Variants in CTNNA3 observed in about 807,000 individuals in gnomAD.
CTNNA3 encodes catenin alpha-3.
In CTNNA3, 76 loss-of-function variants were observed where a neutral mutation model predicts 95.7. That is an observed-to-expected ratio of 0.79 (90% CI 0.66 to 0.96). CTNNA3 has a LOEUF of 0.96. Among genes scored for constraint, CTNNA3 ranks in the 40% least tolerant of loss-of-function variants. The probability of loss-of-function intolerance (pLI) is 0.00; values close to 1 mark genes in which losing one functional copy is unlikely to be tolerated. For missense variants in CTNNA3, 1,191 were observed against 1,089.8 expected, an observed-to-expected ratio of 1.09 and a Z score of -1.31; for synonymous variants, 431 against 374.4, an observed-to-expected ratio of 1.15 and a Z score of -1.74.
At chr10:66,418,792 A>T (rs909775178) in intron 11 of CTNNA3, among the ~76,000 whole-genome samples, 1 of 150,088 alleles carries the variant, frequency 6.7e-6, no homozygotes, top group Non-Finnish European at 1.5e-5. Context: ...CATCTTATAG[A>T]CAAAGAAAAA....
chr10:67,707,045 C>A (rs1028669239), intron 1 of CTNNA3, among the ~76,000 whole-genome samples: 2 of 152,110 alleles, frequency 1.3e-5, no homozygotes, highest in Non-Finnish European at 2.9e-5. Context: ...ATTCTTTTCC[C>A]TCATTACCAT....
At chr10:67,699,503 G>A (rs1231948950), upstream of CTNNA3, among the ~76,000 whole-genome samples, 1 of 152,160 alleles carries the variant, frequency 6.6e-6, no homozygotes, top group Non-Finnish European at 1.5e-5. Context: ...GACTTCTCCT[G>A]TTGCCAATAA....
chr10:66,922,721 A>G (rs1846854412), intron 7 of CTNNA3, among the ~76,000 whole-genome samples: 2 of 152,192 alleles, frequency 1.3e-5, no homozygotes, highest in Non-Finnish European at 2.9e-5. Flanking sequence ...TTCATTATGA[A>G]CATTTTTCCT....
chr10:67,439,680 C>T (rs918712886), intron 5 of CTNNA3, among the ~76,000 whole-genome samples: 2 of 152,160 alleles, frequency 1.3e-5, no homozygotes, highest in African/African-American at 4.8e-5. Context: ...ATCAGACCCC[C>T]ATTCCAGTCC....
At chr10:67,035,552 C>T (rs923110335) in intron 7 of CTNNA3, among the ~76,000 whole-genome samples, 1 of 151,936 alleles carries the variant, frequency 6.6e-6, no homozygotes, top group African/African-American at 2.4e-5. Context: ...AATTCTAACT[C>T]GGAGAACTTT....
intron 10 of CTNNA3, among the ~76,000 whole-genome samples, chr10:66,537,215 G>A (rs1185360639): frequency 6.6e-6 from 1 of 152,116 alleles, no homozygotes; most frequent in East Asian, 1.9e-4. Flanking sequence ...GTGGCAATCA[G>A]CTCCTGCACA....
chr10:66,454,871 A>T (rs935318670), intron 11 of CTNNA3, among the ~76,000 whole-genome samples: 1 of 151,754 alleles, frequency 6.6e-6, no homozygotes, highest in East Asian at 1.9e-4. Context: ...GAGAGGAGGA[A>T]GAGGATAAAA....
chr10:67,632,361 G>A (rs1342762258), intron 2 of CTNNA3, among the ~76,000 whole-genome samples: 2 of 151,654 alleles, frequency 1.3e-5, no homozygotes, highest in African/African-American at 4.9e-5. Flanking sequence ...AGATGGCGGC[G>A]GCTAGATTTG....
chr10:66,721,986 T>C (rs541055144), intron 9 of CTNNA3, among the ~76,000 whole-genome samples: 52 of 152,314 alleles, frequency 3.4e-4, no homozygotes, highest in Non-Finnish European at 6.0e-4. Flanking sequence ...GCATGGATCA[T>C]GAGTGACATT....
chr10:66,158,519 G>A (rs2126596), intron 13 of CTNNA3, among the ~76,000 whole-genome samples: 124,186 of 152,100 alleles, frequency 0.82, 50,841 homozygotes, highest in South Asian at 0.92. Flanking sequence ...GCCTATTTTT[G>A]TACTAGTACC....
chr10:66,230,348 G>C (rs1423041518), intron 13 of CTNNA3, among the ~76,000 whole-genome samples: 1 of 151,916 alleles, frequency 6.6e-6, no homozygotes, highest in African/African-American at 2.4e-5. Context: ...TTTTAATAGG[G>C]AAAGACTTTT....
chr10:66,426,040 A>G (rs931746373), intron 11 of CTNNA3, among the ~76,000 whole-genome samples: 4 of 152,090 alleles, frequency 2.6e-5, no homozygotes, highest in Non-Finnish European at 5.9e-5. Flanking sequence ...TTGTGAGAAT[A>G]ATTTGTATCA....
chr10:66,609,017 G>A (rs1293460293), intron 10 of CTNNA3, among the ~76,000 whole-genome samples: 1 of 152,050 alleles, frequency 6.6e-6, no homozygotes, highest in Non-Finnish European at 1.5e-5. Flanking sequence ...TACAGAATGG[G>A]AGATACATTC....
chr10:66,221,551 T>C (rs920409500), intron 13 of CTNNA3, among the ~76,000 whole-genome samples: 1 of 152,246 alleles, frequency 6.6e-6, no homozygotes, highest in Non-Finnish European at 1.5e-5. Context: ...CTGGCCTCAA[T>C]TCCATCTCTG....
At chr10:66,329,982 G>T (rs958876440) in intron 12 of CTNNA3, among the ~76,000 whole-genome samples, 18 of 152,104 alleles carry the variant, frequency 1.2e-4, no homozygotes, top group African/African-American at 4.3e-4. Context: ...TTGGTTAAAT[G>T]GGACATGATT....
At chr10:67,386,129 T>G (rs1294398862) in intron 5 of CTNNA3, among the ~76,000 whole-genome samples, 1 of 152,184 alleles carries the variant, frequency 6.6e-6, no homozygotes, top group African/African-American at 2.4e-5. Context: ...CAAATAAAAC[T>G]TACTCATAAA....
chr10:66,483,873 G>GA (rs1839630495), intron 11 of CTNNA3, among the ~76,000 whole-genome samples: 1 of 151,718 alleles, frequency 6.6e-6, no homozygotes, highest in South Asian at 2.1e-4. Context: ...TAAAAGAAGA[G>GA]AAAAAAACTT....
At chr10:66,224,940 C>T (rs893332733) in intron 13 of CTNNA3, among the ~76,000 whole-genome samples, 4 of 151,668 alleles carry the variant, frequency 2.6e-5, no homozygotes, top group African/African-American at 4.8e-5. Context: ...ATATTTATGT[C>T]GTACAAAATA....
rs753563543 is a variant in CTNNA3, at chr10:66,024,580, T to A, written c.2160-35783A>T. 5.3e-5 allele frequency among the ~76,000 whole-genome samples: 8 copies of A among 152,226 alleles called. No homozygotes were observed. The East Asian group carries it at 7.7e-4, about 15-fold the overall frequency. On this transcript the variant is annotated intron_variant, in intron 15 of 17. Coordinates refer to ENST00000433211, the MANE Select transcript of CTNNA3 (RefSeq NM_013266.4). ...ATCAACATATTGACATACACTTTCA[T>A]GACCAGTCAAATTAAGAAACAATCA...
Sources: allele counts gnomAD v4.1 joint callset (sites outside exome capture counted in the v4.1 genomes callset), GRCh38; gene constraint gnomAD v4.1.1; transcripts MANE v1.5; gene names NCBI Gene and HGNC (gene_info 2026-07-23, HGNC 2026-07-21).